The following DIXDC1 variants were observed in gnomAD, a reference collection of about 807,000 sequenced individuals.
DIXDC1 encodes dixin.
A neutral mutation model predicts 103.1 loss-of-function variants in DIXDC1; 64 were observed. The observed-to-expected ratio is 0.62, with a 90% CI of 0.51 to 0.76. The LOEUF is 0.76. Ranked by LOEUF, DIXDC1 falls within the 30% of genes least tolerant of loss-of-function variation. DIXDC1 has a pLI of 0.00. For synonymous variants in DIXDC1, 266 were observed against 298.5 expected (o/e 0.89, Z 1.12); for missense variants, 759 against 834.2 (o/e 0.91, Z 1.11).
At chr11:111,994,853 G>GA (rs797026563) in intron 14 of DIXDC1, among the ~76,000 whole-genome samples, 166 bp from the exon 15 acceptor site, 2 of 151,214 alleles carry the variant, frequency 1.3e-5, no homozygotes, top group East Asian at 1.9e-4. Flanking sequence ...ACCAAAAGGG[G>GA]AAAAAAAATC....
At chr11:111,955,126 T>C (rs1416048886) in intron 1 of DIXDC1, among the ~76,000 whole-genome samples, 2 of 151,770 alleles carry the variant, frequency 1.3e-5, no homozygotes, top group Admixed American at 6.6e-5. Context: ...CAGAGTTCTT[T>C]TAAGAAATAG....
chr11:112,013,690 A>C (rs971740157), intron 17 of DIXDC1, among the ~76,000 whole-genome samples: 3 of 152,124 alleles, frequency 2.0e-5, no homozygotes, highest in Non-Finnish European at 4.4e-5. Flanking sequence ...AGGTCTTTCA[A>C]ATTCATCCCT....
chr11:111,943,487 CT>C (rs1161024928), intron 1 of DIXDC1, among the ~76,000 whole-genome samples: 1,877 of 113,374 alleles, frequency 0.017, 10 homozygotes, highest in African/African-American at 0.036. Flanking sequence ...TTCTTTCTCT[CT>C]TTTTTTTTTT....
chr11:111,985,229 C>T lies in DIXDC1; in HGVS notation c.919-3C>T, dbSNP rs1555173687. ...GTTTCTTTCTGCCTTTGTGGTTATT[C>T]AGGCCTTACTGCTCAATGGATCCTT... On this transcript the variant is annotated splice_polypyrimidine_tract_variant and splice_region_variant and intron_variant, in intron 7 of 19. Coordinates refer to ENST00000440460, the MANE Select transcript of DIXDC1 (RefSeq NM_001037954.4). 1.4e-5 allele frequency: 22 copies of T among 1,612,114 alleles called. No homozygotes were observed. Among genetic ancestry groups the T allele is most frequent in the African/African-American group, 6.7e-5 (5 of 74,890 alleles).
chr11:112,011,811 G>A (rs1231719124), intron 17 of DIXDC1, among the ~76,000 whole-genome samples: 2 of 152,048 alleles, frequency 1.3e-5, no homozygotes, highest in East Asian at 1.9e-4. Flanking sequence ...CGTGGAGGGG[G>A]GGACGGGGGG....
At chr11:112,000,298 C>G (rs1331640987) in intron 17 of DIXDC1, among the ~76,000 whole-genome samples, 1 of 152,048 alleles carries the variant, frequency 6.6e-6, no homozygotes, top group African/African-American at 2.4e-5. Context: ...TGATAAGGGT[C>G]TAGGATCCAG....
chr11:111,992,612 T>G, intron 11 of DIXDC1, 93 bp downstream of exon 11: 8 of 1,116,874 alleles, frequency 7.2e-6, no homozygotes, highest in South Asian at 1.5e-5. Context: ...TCCTAATCTC[T>G]TATCTTGCTT....
At chr11:111,945,650 G>A (rs1555169282) in intron 1 of DIXDC1, 9 of 151,696 alleles carry the variant, frequency 5.9e-5, no homozygotes, top group Admixed American at 5.9e-4. Flanking sequence ...TCATTTATTT[G>A]TTTAGTTTTC....
chr11:111,990,918 G>A (rs1235928641), intron 10 of DIXDC1, among the ~76,000 whole-genome samples: 3 of 152,082 alleles, frequency 2.0e-5, no homozygotes, highest in Non-Finnish European at 4.4e-5. Context: ...TGTTGGCCAG[G>A]CTGGTCTCGA....
At chr11:112,004,960 A>G (rs1861188756) in intron 17 of DIXDC1, among the ~76,000 whole-genome samples, 1 of 152,226 alleles carries the variant, frequency 6.6e-6, no homozygotes, top group East Asian at 1.9e-4. Flanking sequence ...GGCATTCAAT[A>G]AGAAATTATG....
At chr11:111,983,589 T>A (rs1860395236) in intron 7 of DIXDC1, among the ~76,000 whole-genome samples, 1 of 152,194 alleles carries the variant, frequency 6.6e-6, no homozygotes, top group African/African-American at 2.4e-5. Context: ...AGGAAGTATG[T>A]CATGGAGAAC....
intron 1 of DIXDC1, among the ~76,000 whole-genome samples, chr11:111,944,102 C>G (rs1156825905): frequency 4.6e-5 from 7 of 152,202 alleles, no homozygotes; most frequent in African/African-American, 1.7e-4. Context: ...TTTTAAATCT[C>G]TAGCCTTGCT....
At chr11:112,014,927 A>C (rs56902291) in intron 17 of DIXDC1, among the ~76,000 whole-genome samples, 5,293 of 151,368 alleles carry the variant, frequency 0.035, 336 homozygotes, top group African/African-American at 0.12. Flanking sequence ...CTTTGTCACC[A>C]AGGCTGGAGT....
At chr11:111,993,407 TTTAC>T (rs1860771381) in intron 12 of DIXDC1, 85 bp from the exon 13 acceptor site, 1 of 1,431,550 alleles carries the variant, frequency 7.0e-7, no homozygotes, top group African/African-American at 1.4e-5. Flanking sequence ...GAGGCTCTAC[TTTAC>T]TTGAGTGGAA....
intron 9 of DIXDC1, among the ~76,000 whole-genome samples, chr11:111,988,101 C>G (rs918345395): frequency 6.6e-6 from 1 of 152,058 alleles, no homozygotes. Flanking sequence ...CAGTCTCAAG[C>G]GATCCTCCCA....
chr11:111,973,985 C>T, intron 3 of DIXDC1, 38 bp from the exon 4 acceptor site: 1 of 1,604,616 alleles, frequency 6.2e-7, no homozygotes, highest in South Asian at 1.1e-5. Flanking sequence ...CTTAGGACCT[C>T]TTGGTCTGTT....
At chr11:111,971,583 A>G (rs1286861329) in intron 3 of DIXDC1, among the ~76,000 whole-genome samples, 2 of 152,232 alleles carry the variant, frequency 1.3e-5, no homozygotes, top group East Asian at 1.9e-4. Context: ...ATTACTGGGT[A>G]TATACCCAAA....
chr11:112,012,411 T>C (rs1417244636), intron 17 of DIXDC1, among the ~76,000 whole-genome samples: 1 of 152,144 alleles, frequency 6.6e-6, no homozygotes, highest in Non-Finnish European at 1.5e-5. Flanking sequence ...AATAGACACA[T>C]TTTACCAGTT....
In DIXDC1 at chr11:111,982,351, C is replaced by T. The variant is rs1555173316; in HGVS notation, c.782C>T (p.Ser261Phe). The change falls in exon 7 of 20, where the codon TCT becomes TTT. Residue 261 changes from serine (S) to phenylalanine (F), a missense_variant. Ser to Phe is a radical substitution (Grantham distance 155, BLOSUM62 -2). Coordinates refer to ENST00000440460, the MANE Select transcript of DIXDC1 (RefSeq NM_001037954.4). ...GIENRTEGTD[S>F]PLSRDWRPGS... ...TTTCATTTTTTAGAAGGGACAGATT[C>T]TCCATTATCTCGAGACTGGCGGCCA... 1.2e-6 allele frequency: 2 copies of T among 1,613,404 alleles called. No individual in the cohort carries two copies. Among genetic ancestry groups the T allele is most frequent in the South Asian group, 1.1e-5 (1 of 91,044 alleles).
Sources: gnomAD v4.1 joint callset for allele counts (sites outside exome capture counted in the v4.1 genomes callset) on GRCh38, gnomAD v4.1.1 for gene constraint, MANE v1.5 for transcripts, NCBI Gene and HGNC (gene_info 2026-07-23, HGNC 2026-07-21) for gene names.